Variants in CDK9 observed in about 807,000 individuals in gnomAD.
The protein encoded by CDK9 is cyclin-dependent kinase 9.
Under a neutral mutation model 39.0 loss-of-function variants are expected in CDK9, and 34 were observed. That is an observed-to-expected ratio of 0.87 (90% CI 0.66 to 1.16). The LOEUF (loss-of-function observed/expected upper bound fraction) is 1.16, where lower values mean the gene tolerates loss of function less well. Among genes scored for constraint, CDK9 ranks in the 50% most tolerant of loss-of-function variants. The pLI is 0.00. For missense variants in CDK9, 369 were observed against 503.2 expected, an observed-to-expected ratio of 0.73 and a Z score of 2.55; for synonymous variants, 233 against 196.2, an observed-to-expected ratio of 1.19 and a Z score of -1.57.
rs1353881517 is a variant in CDK9, at chr9:127,789,010, G to A, written c.754-168G>A. The stretch of plus-strand genomic sequence containing the variant: ...TGATGTGGGTGGAAGGACCTGGCAC[G>A]TGGTATGTGCCAATCCATAGCGGGC... On this transcript the variant is annotated intron_variant, in intron 6 of 6. Coordinates refer to ENST00000373264, the MANE Select transcript of CDK9 (RefSeq NM_001261.4). The surrounding 1 kb of genome is among the most constrained non-coding windows in gnomAD (Gnocchi z 5.2). 3.9e-5 allele frequency among the ~76,000 whole-genome samples: 6 copies of A among 152,184 alleles called. No individual in the cohort carries two copies. The East Asian group carries it at 9.6e-4, about 24-fold the overall frequency.
rs575961189 is a variant in CDK9 at position 127,786,109 on chromosome 9, A to C, written c.-40A>C. 154 of 1,496,978 alleles carry C rather than the reference A, an allele frequency of 1.0e-4. 1 individual carries two copies. In the East Asian group the frequency reaches 3.4e-3, roughly 33 times the overall value. 92.7% of individuals were successfully genotyped at this position (1,496,978 alleles called of 1,614,324 possible). On this transcript the variant is annotated 5_prime_UTR_variant, in exon 1 of 7. Coordinates refer to ENST00000373264, the MANE Select transcript of CDK9 (RefSeq NM_001261.4). Reference sequence around the variant, plus strand: ...CGGGACCCGGAGCAGGAGCGGCGGCAGCAGCGACTGGGGGCGGCGGCGGCG... The same window carrying C: ...CGGGACCCGGAGCAGGAGCGGCGGCCGCAGCGACTGGGGGCGGCGGCGGCG...
Position 127,789,776 on chromosome 9 carries a change from T to A in CDK9, c.*233T>A. ...TTTTCTGGATGGTTCCCAGAGGGTT[T>A]CCATGGGGTAGGAGGATGGGCTCGC... On this transcript the variant is annotated 3_prime_UTR_variant, in exon 7 of 7. Transcript: ENST00000373264. This position sits in a 1 kb window ranked among gnomAD's most constrained non-coding sequence, Gnocchi z 5.2. 1 of 586,064 alleles carries A rather than the reference T, an allele frequency of 1.7e-6. No individual in the cohort carries two copies. The highest frequency in any genetic ancestry group is 3.0e-6 in the Non-Finnish European group (1 of 338,840). The allele number at this position is 586,064 out of a possible 1,614,324, so 36.3% of individuals were successfully genotyped here.
intron 2 of CDK9, 60 bp from the exon 3 acceptor site, chr9:127,787,458 C>T: frequency 8.3e-7 from 1 of 1,201,926 alleles, no homozygotes; most frequent in Non-Finnish European, 1.2e-6. Context: ...CAGTACAGAC[C>T]CCAGGGCTGG....
chr9:127,789,306 G>A lies in CDK9; in HGVS notation c.882G>A (p.Lys294=), dbSNP rs1225200931. ...CATACGCACTGGACCTCATCGACAA[G>A]CTGCTGGTGCTGGACCCTGCCCAGC... ...RDPYALDLID[K]LLVLDPAQRI... is the part of the protein sequence containing the mutation. The change falls in exon 7 of 7, where the codon AAG becomes AAA. Residue 294 remains lysine, a synonymous_variant. Coordinates refer to ENST00000373264, the MANE Select transcript of CDK9 (RefSeq NM_001261.4). This position sits in a 1 kb window ranked among gnomAD's most constrained non-coding sequence, Gnocchi z 5.2. The A allele has an allele frequency of 1.9e-6, 3 of 1,613,968 alleles. No homozygotes were observed. Among genetic ancestry groups the A allele is most frequent in the East Asian group, 4.5e-5 (2 of 44,882 alleles).
chr9:127,788,369 C>T lies in CDK9; in HGVS notation c.588C>T (p.Pro196=). The T allele has an allele frequency of 1.9e-6, 3 of 1,612,370 alleles. No homozygotes were observed. Residue 196 remains proline, a synonymous_variant, in exon 5 of 7, where the codon CCC becomes CCT. Coordinates refer to ENST00000373264, the MANE Select transcript of CDK9 (RefSeq NM_001261.4). ...TNRVVTLWYR[P]PELLLGERDY... ...GTGTGGTGACACTCTGGTACCGGCC[C>T]CCGGAGCTGTTGCTCGGTGAGGACT...
rs763279861 is a variant in CDK9, at chr9:127,786,119, G to T, written c.-30G>T. On this transcript the variant is annotated 5_prime_UTR_variant, in exon 1 of 7. Coordinates refer to ENST00000373264, the MANE Select transcript of CDK9 (RefSeq NM_001261.4). ...AGCAGGAGCGGCGGCAGCAGCGACTGGGGGCGGCGGCGGCGCGTTGGAGGC... is the reference window on the plus strand; with the variant it reads ...AGCAGGAGCGGCGGCAGCAGCGACTTGGGGCGGCGGCGGCGCGTTGGAGGC... 18 of 1,549,700 alleles carry T rather than the reference G, an allele frequency of 1.2e-5. No individual in the cohort carries two copies. The highest frequency in any genetic ancestry group is 1.4e-5 in the Non-Finnish European group (16 of 1,136,104).
rs1013283272 is a variant in CDK9, at chr9:127,789,061, C to T, written c.754-117C>T. 1.5e-5 allele frequency: 20 copies of T among 1,328,914 alleles called. No homozygotes were observed. The Middle Eastern group carries it at 1.4e-3, about 90-fold the overall frequency. 82.3% of individuals were successfully genotyped at this position (1,328,914 alleles called of 1,614,324 possible). Reference sequence around the variant, plus strand: ...ACTGCTTCTGGGAGGGGTCGAGTAGCAGTCTGGGAGCCTCCGAGTGGAGCA... The same window carrying T: ...ACTGCTTCTGGGAGGGGTCGAGTAGTAGTCTGGGAGCCTCCGAGTGGAGCA... On this transcript the variant is annotated intron_variant, in intron 6 of 6. Coordinates refer to ENST00000373264, the MANE Select transcript of CDK9 (RefSeq NM_001261.4). The surrounding 1 kb of genome is among the most constrained non-coding windows in gnomAD (Gnocchi z 5.2).
intron 1 of CDK9, 72 bp downstream of exon 1, chr9:127,786,312 C>CG (rs1200695357): frequency 8.1e-7 from 1 of 1,239,290 alleles, no homozygotes; most frequent in Non-Finnish European, 1.2e-6. Context: ...ATGCCCGGGC[C>CG]CCCCCCGAGT....
intron 2 of CDK9, 73 bp downstream of exon 2, chr9:127,786,855 C>T (rs1829331282): frequency 1.3e-5 from 16 of 1,188,482 alleles, no homozygotes; most frequent in South Asian, 8.9e-5. Flanking sequence ...CACCCTGCTG[C>T]TTCTGGGAGT....
intron 3 of CDK9, 100 bp downstream of exon 3, chr9:127,787,708 G>C: frequency 1.0e-6 from 1 of 969,190 alleles, no homozygotes; most frequent in Non-Finnish European, 1.6e-6. Flanking sequence ...TCTTAACTCA[G>C]ATGGACCCAT....
At position 127,789,088 on chromosome 9, in the gene CDK9, G is replaced by C. The variant is rs189441022; in HGVS notation, c.754-90G>C. The C allele has an allele frequency of 1.4e-6, 2 of 1,462,310 alleles. No individual in the cohort carries two copies. The highest frequency in any genetic ancestry group is 2.3e-5 in the Admixed American group (1 of 43,320). 90.6% of individuals were successfully genotyped at this position (1,462,310 alleles called of 1,614,324 possible). On this transcript the variant is annotated intron_variant, in intron 6 of 6. Transcript: ENST00000373264. This position sits in a 1 kb window ranked among gnomAD's most constrained non-coding sequence, Gnocchi z 5.2. Reference sequence around the variant, plus strand: ...GTCTGGGAGCCTCCGAGTGGAGCAGGTATTTTAGTCCTTTTAGGCCTTTAT... The same window carrying C: ...GTCTGGGAGCCTCCGAGTGGAGCAGCTATTTTAGTCCTTTTAGGCCTTTAT...
Position 127,786,122 on chromosome 9 carries a change from G to A in CDK9, c.-27G>A. 6.5e-7 allele frequency: 1 copy of A among 1,548,904 alleles called. No individual in the cohort carries two copies. The highest frequency in any genetic ancestry group is 8.8e-7 in the Non-Finnish European group (1 of 1,135,504). ...AGGAGCGGCGGCAGCAGCGACTGGG[G>A]GCGGCGGCGGCGCGTTGGAGGCGGC... On this transcript the variant is annotated 5_prime_UTR_variant, in exon 1 of 7. Transcript: ENST00000373264.
chr9:127,789,662 T>G lies in CDK9; in HGVS notation c.*119T>G. On this transcript the variant is annotated 3_prime_UTR_variant, in exon 7 of 7. Transcript: ENST00000373264. The surrounding 1 kb of genome is among the most constrained non-coding windows in gnomAD (Gnocchi z 5.2). ...TGCATATTTTATTTAATCCCCACCC[T>G]GGGCTCTGGGAGCAGCCCGCTGAGT... The G allele has an allele frequency of 2.2e-6, 3 of 1,334,464 alleles. No individual in the cohort carries two copies. Among genetic ancestry groups the G allele is most frequent in the South Asian group, 2.9e-5 (2 of 68,688 alleles). 82.7% of individuals were successfully genotyped at this position (1,334,464 alleles called of 1,614,324 possible).
In CDK9 at chr9:127,789,732, G is replaced by T; in HGVS notation, c.*189G>T. 1.3e-6 allele frequency: 1 copy of T among 744,494 alleles called. No individual in the cohort carries two copies. The highest frequency in any genetic ancestry group is 2.1e-6 in the Non-Finnish European group (1 of 470,732). The allele number at this position is 744,494 out of a possible 1,614,324, so 46.1% of individuals were successfully genotyped here. ...GCTGAGAGACCAGGAGGGCACTGGA[G>T]CTGTCTTGTCCTTGCTGGTTTTCTG... is the stretch of plus-strand genomic sequence containing the variant. On this transcript the variant is annotated 3_prime_UTR_variant, in exon 7 of 7. Transcript: ENST00000373264. The surrounding 1 kb of genome is among the most constrained non-coding windows in gnomAD (Gnocchi z 5.2).
chr9:127,786,715 C>A lies in CDK9; in HGVS notation c.107C>A (p.Ala36Asp), dbSNP rs779167622. 5 of 1,613,732 alleles carry A rather than the reference C, an allele frequency of 3.1e-6. No homozygotes were observed. The highest frequency in any genetic ancestry group is 4.2e-6 in the Non-Finnish European group (5 of 1,179,918). Reference protein sequence around the residue: ...GQGTFGEVFKARHRKTGQKVA... With the variant: ...GQGTFGEVFKDRHRKTGQKVA... ...TCCGCCTGCAGGGAGGTGTTCAAGG[C>A]CAGGCACCGCAAGACCGGCCAGAAG... Residue 36 changes from alanine (A) to aspartate (D), a missense_variant, in exon 2 of 7, where the codon GCC becomes GAC. Transcript: ENST00000373264.
chr9:127,786,626 C>T (rs376772241), intron 1 of CDK9, 75 bp from the exon 2 acceptor site: 32 of 1,321,520 alleles, frequency 2.4e-5, no homozygotes, highest in Non-Finnish European at 3.1e-5. Flanking sequence ...TGCTGCCCCT[C>T]CTCCTGTAGT....
Position 127,788,320 on chromosome 9 carries a change from G to A in CDK9, c.539G>A (p.Ser180Asn). ...LARAFSLAKN[S>N]QPNRYTNRVV... is the part of the protein sequence containing the mutation. ...CGGGCCTTCAGCCTGGCCAAGAACA[G>A]CCAGCCCAACCGCTACACCAACCGT... The change falls in exon 5 of 7, where the codon AGC (serine) becomes AAC (asparagine). Residue 180 changes from serine to asparagine, a missense_variant. Coordinates refer to ENST00000373264, the MANE Select transcript of CDK9 (RefSeq NM_001261.4). 1 of 1,612,960 alleles carries A rather than the reference G, an allele frequency of 6.2e-7. No homozygotes were observed. The highest frequency in any genetic ancestry group is 8.5e-7 in the Non-Finnish European group (1 of 1,179,970).
rs758316825 is a variant in CDK9 at position 127,788,325 on chromosome 9, C to T, written c.544C>T (p.Pro182Ser). 1 of 1,613,116 alleles carries T rather than the reference C, an allele frequency of 6.2e-7. No homozygotes were observed. Among genetic ancestry groups the T allele is most frequent in the Non-Finnish European group, 8.5e-7 (1 of 1,179,976 alleles). ...CTTCAGCCTGGCCAAGAACAGCCAG[C>T]CCAACCGCTACACCAACCGTGTGGT... Reference protein sequence around the residue: ...RAFSLAKNSQPNRYTNRVVTL... With the variant: ...RAFSLAKNSQSNRYTNRVVTL... Residue 182 changes from proline (P) to serine (S), a missense_variant, in exon 5 of 7, where the codon CCC (proline) becomes TCC (serine). Coordinates refer to ENST00000373264, the MANE Select transcript of CDK9 (RefSeq NM_001261.4).
Position 127,789,594 on chromosome 9 carries a change from G to A in CDK9, c.*51G>A. 6 of 1,580,610 alleles carry A rather than the reference G, an allele frequency of 3.8e-6. No homozygotes were observed. The highest frequency in any genetic ancestry group is 5.2e-6 in the Non-Finnish European group (6 of 1,163,918). On this transcript the variant is annotated 3_prime_UTR_variant, in exon 7 of 7. Transcript: ENST00000373264. The surrounding 1 kb of genome is among the most constrained non-coding windows in gnomAD (Gnocchi z 5.2). The stretch of plus-strand genomic sequence containing the variant: ...TTGTGTTTTTTTTCTTCTGCTATGT[G>A]ACTTGCATCGTGGAGACAGGGCATT...
Sources: gnomAD v4.1 joint callset for allele counts (sites outside exome capture counted in the v4.1 genomes callset) on GRCh38, gnomAD v4.1.1 for gene constraint, Gnocchi (gnomAD v3.1) non-coding constraint, MANE v1.5 for transcripts, NCBI Gene and HGNC (gene_info 2026-07-23, HGNC 2026-07-21) for gene names.